SAMD12: variants seen among roughly 807,000 people sequenced by gnomAD.
The protein encoded by SAMD12 is sterile alpha motif domain-containing protein 12.
SAMD12 carries 9 observed loss-of-function variants against 15.0 expected under a neutral mutation model. The ratio of observed to expected loss-of-function variants is 0.60; its 90% CI spans 0.36 to 1.05. The LOEUF (loss-of-function observed/expected upper bound fraction) is 1.05, where lower values mean the gene tolerates loss of function less well. Ranked by LOEUF, SAMD12 falls within the 50% of genes least tolerant of loss-of-function variation. SAMD12 has a pLI of 0.01. For synonymous variants in SAMD12, 86 were observed against 90.1 expected (o/e 0.96, Z 0.25); for missense variants, 230 against 234.2 (o/e 0.98, Z 0.12).
intron 4 of SAMD12, among the ~76,000 whole-genome samples, chr8:118,362,617 C>T (rs961631915): frequency 6.6e-6 from 1 of 152,124 alleles, no homozygotes; most frequent in Non-Finnish European, 1.5e-5. Context: ...TAGGACTAAA[C>T]ATTAGGTTTG....
At position 118,535,649 on chromosome 8, in the gene SAMD12, G is replaced by A. The variant is rs557710919; in HGVS notation, c.192+45066C>T. ...TACCTACTCAAGCCTCAGCAATGGC[G>A]GGCGCCCCTCCCCCAGCCATGCTGC... On this transcript the variant is annotated intron_variant, in intron 2 of 3. Transcript: ENST00000314727. 1.6e-4 allele frequency among the ~76,000 whole-genome samples: 25 copies of A among 152,306 alleles called. No individual in the cohort carries two copies. The South Asian group carries it at 3.1e-3, about 19-fold the overall frequency.
At chr8:118,468,860 T>C (rs1823674080) in intron 2 of SAMD12, among the ~76,000 whole-genome samples, 1 of 152,130 alleles carries the variant, frequency 6.6e-6, no homozygotes, top group Non-Finnish European at 1.5e-5. Context: ...TATAGCACGG[T>C]AGCTTATTTT....
At chr8:118,455,374 CTTTTA>C (rs1823216355) in intron 2 of SAMD12, among the ~76,000 whole-genome samples, 1 of 151,522 alleles carries the variant, frequency 6.6e-6, no homozygotes, top group African/African-American at 2.4e-5. Context: ...TTTAAAAAAG[CTTTTA>C]TTTTTAGTTT....
In SAMD12 at chr8:118,370,139, C is replaced by A. The variant is rs545698074; in HGVS notation, c.433+9421G>T. ...AGTGGGCAAAGGACATGAACAGACA[C>A]TTCTCAAAAGAAGACATTTATGTGG... On this transcript the variant is annotated intron_variant, in intron 4 of 4. Coordinates refer to the SAMD12 transcript ENST00000409003. Among the ~76,000 whole-genome samples, 4 of 152,184 alleles carry A rather than the reference C, an allele frequency of 2.6e-5. No homozygotes were observed. In the South Asian group the frequency reaches 8.3e-4, roughly 32 times the overall value.
intron 3 of SAMD12, among the ~76,000 whole-genome samples, chr8:118,433,288 A>C (rs967842156): frequency 2.0e-5 from 3 of 152,206 alleles, no homozygotes; most frequent in Non-Finnish European, 4.4e-5. Flanking sequence ...GAGAGGAAAC[A>C]TTCTTAGTAA....
At chr8:118,282,046 G>T (rs543160114) in intron 4 of SAMD12, 115 of 323,110 alleles carry the variant, frequency 3.6e-4, no homozygotes, top group South Asian at 2.5e-3. Context: ...TTGGAGACGA[G>T]GGTAACCAAG....
intron 4 of SAMD12, among the ~76,000 whole-genome samples, chr8:118,212,836 T>A (rs1434837674): frequency 6.6e-6 from 1 of 152,194 alleles, no homozygotes; most frequent in Admixed American, 6.5e-5. Context: ...CCTACAGTGA[T>A]TACAAGACTT....
intron 4 of SAMD12, among the ~76,000 whole-genome samples, chr8:118,365,922 C>G (rs546137418): frequency 6.6e-6 from 1 of 152,098 alleles, no homozygotes; most frequent in East Asian, 1.9e-4. Flanking sequence ...TACTTGCTCC[C>G]CAAAGCATAA....
At chr8:118,185,907 G>A (rs1586321715), downstream of SAMD12, among the ~76,000 whole-genome samples, 1 of 152,202 alleles carries the variant, frequency 6.6e-6, no homozygotes, top group South Asian at 2.1e-4. Flanking sequence ...TCCATCTGTG[G>A]CACCACTTCT....
At chr8:118,535,330 T>A (rs1218826973) in intron 2 of SAMD12, among the ~76,000 whole-genome samples, 1 of 152,204 alleles carries the variant, frequency 6.6e-6, no homozygotes, top group Non-Finnish European at 1.5e-5. Flanking sequence ...AAGGGGCACC[T>A]GGCTGTATGA....
At chr8:118,136,351 C>T in the SAMD12 span, among the ~76,000 whole-genome samples, 2 of 152,324 alleles carry the variant, frequency 1.3e-5, no homozygotes, top group African/African-American at 4.8e-5. Flanking sequence ...TTTGTTGATA[C>T]TTACGTCAAT....
At chr8:118,500,225 T>C (rs1824745915) in intron 2 of SAMD12, among the ~76,000 whole-genome samples, 2 of 151,690 alleles carry the variant, frequency 1.3e-5, no homozygotes, top group South Asian at 2.1e-4. Context: ...ATTACAGGCA[T>C]GCGCCACTAC....
intron 4 of SAMD12, among the ~76,000 whole-genome samples, chr8:118,356,868 C>T (rs1040347993): frequency 1.3e-5 from 2 of 152,160 alleles, no homozygotes; most frequent in African/African-American, 2.4e-5. Context: ...ACTCTTAAAG[C>T]GCCCTTCTCC....
At chr8:118,336,834 A>G (rs1471084903) in intron 4 of SAMD12, among the ~76,000 whole-genome samples, 1 of 152,266 alleles carries the variant, frequency 6.6e-6, no homozygotes, top group Non-Finnish European at 1.5e-5. Flanking sequence ...ATGCAGCCAC[A>G]AAAAGGATGA....
chr8:118,508,589 T>C (rs193283764), intron 2 of SAMD12, among the ~76,000 whole-genome samples: 22 of 152,334 alleles, frequency 1.4e-4, no homozygotes, highest in Non-Finnish European at 2.6e-4. Flanking sequence ...CATTTTACAG[T>C]CTCACCTCCA....
chr8:118,503,113 T>A (rs1371709985), intron 2 of SAMD12, among the ~76,000 whole-genome samples: 1 of 152,238 alleles, frequency 6.6e-6, no homozygotes, highest in Non-Finnish European at 1.5e-5. Flanking sequence ...AAGAGCTTGG[T>A]GGCTTTTAAT....
chr8:118,135,419 A>G, the SAMD12 span, among the ~76,000 whole-genome samples: 1 of 151,986 alleles, frequency 6.6e-6, no homozygotes, highest in Non-Finnish European at 1.5e-5. Flanking sequence ...TGACCTCGTG[A>G]TCTGCCTGCC....
intron 2 of SAMD12, among the ~76,000 whole-genome samples, chr8:118,462,972 G>T (rs1029602218): frequency 6.6e-6 from 1 of 151,710 alleles, no homozygotes; most frequent in Non-Finnish European, 1.5e-5. Flanking sequence ...ATGGTGGCGC[G>T]TGCCTGTAGT....
chr8:118,546,112 C>T (rs967613455), intron 2 of SAMD12, among the ~76,000 whole-genome samples: 1 of 152,150 alleles, frequency 6.6e-6, no homozygotes, highest in Non-Finnish European at 1.5e-5. Flanking sequence ...ACACAGCTTG[C>T]AGTGCAGCGA....
Sources: allele counts gnomAD v4.1 joint callset (sites outside exome capture counted in the v4.1 genomes callset), GRCh38; gene constraint gnomAD v4.1.1; transcripts MANE v1.5; gene names NCBI Gene and HGNC (gene_info 2026-07-23, HGNC 2026-07-21).